ECPAS: variants seen among roughly 807,000 people sequenced by gnomAD.
ECPAS encodes the protein Ecm29 proteasome adaptor and scaffold, also known as proteasome adapter and scaffold protein ECM29.
A neutral mutation model predicts 255.1 loss-of-function variants in ECPAS; 70 were observed. The observed-to-expected ratio is 0.27, with a 90% CI of 0.23 to 0.33. The LOEUF (loss-of-function observed/expected upper bound fraction) is 0.33. Among genes scored for constraint, ECPAS ranks in the 10% least tolerant of loss-of-function variants. ECPAS has a pLI of 1.00. For synonymous variants in ECPAS, 784 were observed against 775.0 expected (o/e 1.01, Z -0.19); for missense variants, 1,817 against 2,206.4 (o/e 0.82, Z 3.54).
rs141548354 is a variant in ECPAS, at chr9:111,404,288, A to T, written c.2652+4283T>A. On this transcript the variant is annotated intron_variant, in intron 24 of 49. Transcript: ENST00000684092. ...CAGAACAGAAGTAAATGAAATTGAG[A>T]CTAAAAAAACTACAGAAGTTTAATG... Among the ~76,000 whole-genome samples, 511 of 149,998 alleles carry T rather than the reference A, an allele frequency of 3.4e-3. 32 individuals are homozygous for T. Among genetic ancestry groups the T allele is most frequent in the Admixed American group, 0.031 (475 of 15,228 alleles).
chr9:111,361,853 CAT>C lies in ECPAS; in HGVS notation c.*175_*176del, dbSNP rs2098113635. 1 of 681,340 alleles carries C rather than the reference CAT, an allele frequency of 1.5e-6. No homozygotes were observed. The highest frequency in any genetic ancestry group is 3.3e-5 in the Admixed American group (1 of 30,208). 42.2% of individuals were successfully genotyped at this position (681,340 alleles called of 1,614,324 possible). A position where few individuals can be genotyped will look rare whatever the true frequency, so the allele number is the denominator to read the frequency against. On this transcript the variant is annotated 3_prime_UTR_variant, in exon 50 of 50. Transcript: ENST00000684092. ...TCACTCAGCCCAGATACTTTAAAAACATAAAGTAAAATAAAGCTAATAAGGAA... is the reference window on the plus strand; with the variant it reads ...TCACTCAGCCCAGATACTTTAAAAACAAAGTAAAATAAAGCTAATAAGGAA...
At chr9:111,479,147 T>C (rs1361636675) in intron 1 of ECPAS, among the ~76,000 whole-genome samples, 2 of 152,186 alleles carry the variant, frequency 1.3e-5, no homozygotes, top group African/African-American at 4.8e-5. Context: ...GTTACCTACC[T>C]TTCAGGGTTA....
At position 111,421,905 on chromosome 9, in the gene ECPAS, G is replaced by A. The variant is rs2131797107; in HGVS notation, c.1455+16C>T. 1 of 1,610,788 alleles carries A rather than the reference G, an allele frequency of 6.2e-7. No individual in the cohort carries two copies. Among genetic ancestry groups the A allele is most frequent in the Non-Finnish European group, 8.5e-7 (1 of 1,179,074 alleles). ...AACCGTATACTACCCAGGCTTTGTAGTTCACACGGACCTACCTTTATTAAG... is the reference window on the plus strand; with the variant it reads ...AACCGTATACTACCCAGGCTTTGTAATTCACACGGACCTACCTTTATTAAG... On this transcript the variant is annotated intron_variant, in intron 15 of 49. Coordinates refer to ENST00000684092, the MANE Select transcript of ECPAS (RefSeq NM_001364929.1).
chr9:111,394,674 T>C lies in ECPAS; in HGVS notation c.2777-369A>G, dbSNP rs537882425. ...ATACTGTTTTTCTCCTTTCCTTTAT[T>C]ACTCCAGGGTTTCTCAACCTCAACA... On this transcript the variant is annotated intron_variant, in intron 25 of 49. Transcript: ENST00000684092. 1.8e-4 allele frequency among the ~76,000 whole-genome samples: 28 copies of C among 152,298 alleles called. 1 individual carries two copies. In the South Asian group the frequency reaches 5.8e-3, roughly 32 times the overall value.
At position 111,430,513 on chromosome 9, in the gene ECPAS, T is replaced by C. The variant is rs1007381330; in HGVS notation, c.930+34A>G. ...CAGTTCATGTCAACAAACTACTTTT[T>C]ACGCTGATGTGAGAATAAATCAAAA... On this transcript the variant is annotated intron_variant, in intron 9 of 49. Transcript: ENST00000684092. The C allele has an allele frequency of 1.0e-5, 14 of 1,334,100 alleles. No homozygotes were observed. In the African/African-American group the frequency reaches 1.4e-4, roughly 14 times the overall value. The allele number at this position is 1,334,100 out of a possible 1,614,324, so 82.6% of individuals were successfully genotyped here. A position where few individuals can be genotyped will look rare whatever the true frequency, so the allele number is the denominator to read the frequency against.
intron 23 of ECPAS, 108 bp downstream of exon 23, chr9:111,409,933 T>A: frequency 1.2e-6 from 1 of 817,370 alleles, no homozygotes; most frequent in Non-Finnish European, 1.9e-6. Context: ...TTACATTAAA[T>A]CCTTCCTCCA....
In ECPAS at chr9:111,444,237, T is replaced by TC. The variant is rs1311425518; in HGVS notation, c.270+140_270+141insG. The TC allele has an allele frequency of 4.5e-5, 26 of 578,174 alleles. No individual in the cohort carries two copies. In the African/African-American group the frequency reaches 4.9e-4, roughly 11 times the overall value. The allele number at this position is 578,174 out of a possible 1,614,324, so 35.8% of individuals were successfully genotyped here. A position where few individuals can be genotyped will look rare whatever the true frequency, so the allele number is the denominator to read the frequency against. On this transcript the variant is annotated intron_variant, in intron 4 of 49. Coordinates refer to ENST00000684092, the MANE Select transcript of ECPAS (RefSeq NM_001364929.1). ...ACTCAGTGGAAAAACAGTGTGTCAT[T>TC]TAAAAAAAAAAAAAACTCATGTTTC...
intron 1 of ECPAS, among the ~76,000 whole-genome samples, chr9:111,475,651 A>C (rs2098295263): frequency 6.6e-6 from 1 of 151,760 alleles, no homozygotes; most frequent in South Asian, 2.1e-4. Context: ...CAGGAGAATC[A>C]CTTGAACCTG....
At chr9:111,384,596 T>C (rs373146797) in intron 33 of ECPAS, 27 bp from the exon 34 acceptor site, 12 of 1,608,940 alleles carry the variant, frequency 7.5e-6, no homozygotes, top group South Asian at 2.2e-5. Flanking sequence ...TGTGACATCA[T>C]ACAAGTTAGA....
In ECPAS at chr9:111,483,574, T is replaced by C. The variant is rs892105241; in HGVS notation, c.-83+542A>G. The C allele has an allele frequency of 7.2e-4, 110 of 153,062 alleles. 1 individual carries two copies. Among genetic ancestry groups the C allele is most frequent in the Admixed American group, 4.6e-3 (64 of 13,958 alleles). The allele number at this position is 153,062 out of a possible 1,614,324, so 9.5% of individuals were successfully genotyped here. A position where few individuals can be genotyped will look rare whatever the true frequency, so the allele number is the denominator to read the frequency against. ...GCCGGGGAGGGAACGAGGGAGGGGC[T>C]GGGGGGGCAGGGCGCGGCCGGGGGG... is the stretch of plus-strand genomic sequence containing the variant. On this transcript the variant is annotated intron_variant, in intron 1 of 49. Transcript: ENST00000684092.
chr9:111,477,110 T>C (rs2098297208), intron 1 of ECPAS, among the ~76,000 whole-genome samples: 1 of 149,712 alleles, frequency 6.7e-6, no homozygotes. Flanking sequence ...TCCTTTTTTC[T>C]TTTTTTTCTT....
chr9:111,388,148 TTTG>T (rs1376858312), intron 31 of ECPAS, among the ~76,000 whole-genome samples: 1 of 152,068 alleles, frequency 6.6e-6, no homozygotes, highest in Non-Finnish European at 1.5e-5. Context: ...TAGGAAAGGT[TTTG>T]TTATCCTTAC....
chr9:111,383,129 T>A, intron 35 of ECPAS, 82 bp downstream of exon 35: 1 of 1,530,022 alleles, frequency 6.5e-7, no homozygotes, highest in Non-Finnish European at 8.9e-7. Flanking sequence ...TCTCCATATT[T>A]TCCAGAATCT....
At chr9:111,443,951 CA>C (rs2098249424) in intron 4 of ECPAS, among the ~76,000 whole-genome samples, 1 of 152,158 alleles carries the variant, frequency 6.6e-6, no homozygotes, top group South Asian at 2.1e-4. Flanking sequence ...ACATCAAAAA[CA>C]CAAAAGATTT....
intron 31 of ECPAS, among the ~76,000 whole-genome samples, chr9:111,387,754 C>G (rs1408856341): frequency 1.3e-5 from 2 of 151,542 alleles, no homozygotes; most frequent in African/African-American, 2.4e-5. Flanking sequence ...CAGTGTCTCA[C>G]TCATCGTCAG....
intron 25 of ECPAS, among the ~76,000 whole-genome samples, chr9:111,395,585 G>A (rs2098166405): frequency 6.6e-6 from 1 of 152,106 alleles, no homozygotes; most frequent in Non-Finnish European, 1.5e-5. Context: ...AATCTTCCAA[G>A]AAGAGTTTGA....
chr9:111,429,479 G>A (rs1024398980), intron 9 of ECPAS, among the ~76,000 whole-genome samples: 2 of 152,124 alleles, frequency 1.3e-5, no homozygotes, highest in Non-Finnish European at 2.9e-5. Flanking sequence ...CACACTGTGA[G>A]AACCACTAAT....
intron 2 of ECPAS, 108 bp from the exon 3 acceptor site, chr9:111,451,663 G>C (rs1263860952): frequency 1.9e-6 from 2 of 1,030,396 alleles, no homozygotes; most frequent in African/African-American, 3.2e-5. Flanking sequence ...CTTCAGTCAG[G>C]ACTTTAACCA....
chr9:111,384,132 A>T (rs1040121614), intron 34 of ECPAS, among the ~76,000 whole-genome samples: 1 of 152,218 alleles, frequency 6.6e-6, no homozygotes, highest in African/African-American at 2.4e-5. Flanking sequence ...AGTTCCTGAT[A>T]TATCACAAAA....
Sources: allele counts gnomAD v4.1 joint callset (sites outside exome capture counted in the v4.1 genomes callset), GRCh38; gene constraint gnomAD v4.1.1; transcripts MANE v1.5; gene names NCBI Gene and HGNC (gene_info 2026-07-23, HGNC 2026-07-21).